Variants in IMPA1 observed in about 807,000 individuals in gnomAD.
IMPA1 encodes D-galactose 1-phosphate phosphatase.
In IMPA1, 21 loss-of-function variants were observed where a neutral mutation model predicts 34.9. That is an observed-to-expected ratio of 0.60 (90% confidence interval 0.43 to 0.87). The LOEUF (loss-of-function observed/expected upper bound fraction) is 0.87, where lower values mean the gene tolerates loss of function less well. IMPA1 is among the 40% of genes least tolerant of loss of function. IMPA1 has a pLI of 0.00. For synonymous variants in IMPA1, 95 were observed against 104.4 expected (o/e 0.91, Z 0.55); for missense variants, 299 against 336.4 (o/e 0.89, Z 0.87).
rs145057614 is a variant in IMPA1 at position 81,680,210 on chromosome 8, C to T, written c.197+440G>A. On this transcript the variant is annotated intron_variant, in intron 3 of 8. Coordinates refer to ENST00000256108, the MANE Select transcript of IMPA1 (RefSeq NM_005536.4). ...TGGAGCCTAATATTCCTTCCTTGAG[C>T]GTGAGCTATGCAGATACTTGTTTCT... Among the ~76,000 whole-genome samples, 519 of 152,014 alleles carry T rather than the reference C, an allele frequency of 3.4e-3. 1 individual carries two copies. The highest frequency in any genetic ancestry group is 7.1e-3 in the Admixed American group (109 of 15,266).
In IMPA1 at chr8:81,676,234, CT is replaced by C; in HGVS notation, c.347del (p.Lys116ArgfsTer2). 2.3e-6 allele frequency: 3 copies of C among 1,322,348 alleles called. No individual in the cohort carries two copies. The highest frequency in any genetic ancestry group is 3.1e-6 in the Non-Finnish European group (3 of 966,324). 81.9% of individuals were successfully genotyped at this position (1,322,348 alleles called of 1,614,324 possible). The stretch of plus-strand genomic sequence containing the variant: ...CAACTATACGTTTAAAAAATCATAC[CT>C]TTTTATTTACAGCAAAGCCAATTGA... The part of the protein sequence containing the change: ...AVSIGFAVNK[K>X]IEFGVVYSCV... On this transcript the variant is annotated frameshift_variant and splice_region_variant, in exon 5 of 9. Coordinates refer to ENST00000256108, the MANE Select transcript of IMPA1 (RefSeq NM_005536.4). LOFTEE classifies it high-confidence loss of function.
At chr8:81,669,964 T>G (rs921466949) in intron 7 of IMPA1, among the ~76,000 whole-genome samples, 1 of 152,192 alleles carries the variant, frequency 6.6e-6, no homozygotes, top group Non-Finnish European at 1.5e-5. Context: ...TGAGCTAGCA[T>G]GCTCAGCCCC....
chr8:81,664,808 G>A (rs1806773878), intron 7 of IMPA1, among the ~76,000 whole-genome samples: 1 of 151,006 alleles, frequency 6.6e-6, no homozygotes, highest in Non-Finnish European at 1.5e-5. Context: ...CATGGCACAT[G>A]TATACATATG....
intron 4 of IMPA1, among the ~76,000 whole-genome samples, chr8:81,676,950 T>C (rs1296367928): frequency 6.6e-6 from 1 of 152,122 alleles, no homozygotes; most frequent in Non-Finnish European, 1.5e-5. Flanking sequence ...GCCATAGTCA[T>C]GCCACTGCAT....
intron 1 of IMPA1, among the ~76,000 whole-genome samples, chr8:81,683,825 G>T (rs1307865589): frequency 1.3e-5 from 2 of 152,110 alleles, no homozygotes; most frequent in African/African-American, 4.8e-5. Context: ...GTGTAGAAAT[G>T]TGATCCCACA....
intron 8 of IMPA1, 112 bp from the exon 9 acceptor site, chr8:81,659,578 T>C (rs1806605059): frequency 1.6e-6 from 1 of 639,960 alleles, no homozygotes; most frequent in South Asian, 1.9e-5. Context: ...CTTTCAGTTT[T>C]CTTAAACAAA....
intron 1 of IMPA1, among the ~76,000 whole-genome samples, chr8:81,682,810 G>T (rs1481412799): frequency 6.6e-6 from 1 of 152,036 alleles, no homozygotes; most frequent in East Asian, 1.9e-4. Context: ...TACTTCTAGG[G>T]ATTCTCCACC....
In IMPA1 at chr8:81,681,597, G is replaced by T. The variant is rs1158426443; in HGVS notation, c.-24-13C>A. The T allele has an allele frequency of 6.9e-7, 1 of 1,443,954 alleles. No homozygotes were observed. The highest frequency in any genetic ancestry group is 9.7e-7 in the Non-Finnish European group (1 of 1,026,290). 89.4% of individuals were successfully genotyped at this position (1,443,954 alleles called of 1,614,324 possible). A position where few individuals can be genotyped will look rare whatever the true frequency, so the allele number is the denominator to read the frequency against. ...ATTTGACAAATATCTGTACAAAGTA[G>T]TTATAACTGTCTTAGAAGTCTTAAT... On this transcript the variant is annotated splice_polypyrimidine_tract_variant and intron_variant, in intron 1 of 8. Transcript: ENST00000256108.
rs1254088478 is a variant in IMPA1 at position 81,681,598 on chromosome 8, T to C, written c.-24-14A>G. The C allele has an allele frequency of 8.3e-6, 12 of 1,446,116 alleles. No homozygotes were observed. Among genetic ancestry groups the C allele is most frequent in the African/African-American group, 2.8e-5 (2 of 71,668 alleles). 89.6% of individuals were successfully genotyped at this position (1,446,116 alleles called of 1,614,324 possible). ...TTTGACAAATATCTGTACAAAGTAG[T>C]TATAACTGTCTTAGAAGTCTTAATT... On this transcript the variant is annotated splice_polypyrimidine_tract_variant and intron_variant, in intron 1 of 8. Transcript: ENST00000256108.
At chr8:81,685,745 G>T (rs1450064993) in intron 1 of IMPA1, 9 of 1,473,820 alleles carry the variant, frequency 6.1e-6, no homozygotes, top group Middle Eastern at 3.5e-4. Flanking sequence ...TGATGGGCAG[G>T]GTCCGTAGTT....
At chr8:81,683,550 T>TAAC (rs1157131906) in intron 1 of IMPA1, among the ~76,000 whole-genome samples, 1 of 152,134 alleles carries the variant, frequency 6.6e-6, no homozygotes, top group Admixed American at 6.5e-5. Flanking sequence ...ACTGTATGGA[T>TAAC]AACCGTCACA....
Position 81,657,101 on chromosome 8 carries a change from A to G in IMPA1, c.*2250T>C, listed in dbSNP as rs571590619. Among the ~76,000 whole-genome samples the G allele has an allele frequency of 6.6e-6, 1 of 152,346 alleles. No individual in the cohort carries two copies. Among genetic ancestry groups the G allele is most frequent in the South Asian group, 2.1e-4 (1 of 4,828 alleles). On this transcript the variant is annotated 3_prime_UTR_variant, in exon 9 of 9. Transcript: ENST00000256108. ...ATATTATTAGATAATTCACTTGTCGATCATCCTTTTTCAGCATCTAAAGAA... is the reference window on the plus strand; with the variant it reads ...ATATTATTAGATAATTCACTTGTCGGTCATCCTTTTTCAGCATCTAAAGAA...
chr8:81,680,985 T>A (rs1807282398), intron 2 of IMPA1, among the ~76,000 whole-genome samples: 1 of 152,206 alleles, frequency 6.6e-6, no homozygotes, highest in Admixed American at 6.5e-5. Context: ...ATCTTACATC[T>A]TATTTTAGAT....
chr8:81,669,724 T>C (rs75968184), intron 7 of IMPA1, among the ~76,000 whole-genome samples: 14,474 of 152,148 alleles, frequency 0.095, 871 homozygotes, highest in Middle Eastern at 0.15. Context: ...AGTGTATTTG[T>C]ATGGAAAAAG....
At chr8:81,679,486 G>A (rs571882909) in intron 3 of IMPA1, among the ~76,000 whole-genome samples, 14 of 152,078 alleles carry the variant, frequency 9.2e-5, no homozygotes, top group East Asian at 1.9e-4. Flanking sequence ...GGTGGCAGGC[G>A]CCTGTAATCC....
chr8:81,685,032 CTATA>C (rs1049890114), intron 1 of IMPA1, among the ~76,000 whole-genome samples: 1 of 131,524 alleles, frequency 7.6e-6, no homozygotes, highest in African/African-American at 2.9e-5. Flanking sequence ...TATTTAGATA[CTATA>C]TATAGTATAT....
intron 7 of IMPA1, among the ~76,000 whole-genome samples, chr8:81,666,012 G>C (rs1426409490): frequency 6.6e-6 from 1 of 152,188 alleles, no homozygotes; most frequent in African/African-American, 2.4e-5. Flanking sequence ...AAAGGACTGT[G>C]AGCATTTTAT....
intron 2 of IMPA1, among the ~76,000 whole-genome samples, chr8:81,681,081 T>C (rs974774804): frequency 2.0e-5 from 3 of 152,136 alleles, no homozygotes; most frequent in Admixed American, 6.5e-5. Context: ...TAAATGTAGA[T>C]TGATCAAAGT....
At chr8:81,665,054 C>T (rs1333438790) in intron 7 of IMPA1, among the ~76,000 whole-genome samples, 7 of 152,088 alleles carry the variant, frequency 4.6e-5, no homozygotes. Context: ...ACCCTGATCA[C>T]AAAACGAAGT....
Sources: allele counts gnomAD v4.1 joint callset (sites outside exome capture counted in the v4.1 genomes callset), GRCh38; gene constraint gnomAD v4.1.1; transcripts MANE v1.5; gene names NCBI Gene and HGNC (gene_info 2026-07-23, HGNC 2026-07-21).